DLGAP1: variants seen among roughly 807,000 people sequenced by gnomAD.
DLGAP1 encodes the protein DLG associated protein 1.
A neutral mutation model predicts 90.8 loss-of-function variants in DLGAP1; 11 were observed. The observed-to-expected ratio is 0.12, with a 90% confidence interval of 0.08 to 0.20. DLGAP1 has a LOEUF of 0.20. Among genes scored for constraint, DLGAP1 ranks in the 10% least tolerant of loss-of-function variants. The pLI, the probability that DLGAP1 is intolerant of heterozygous loss-of-function variation, is 1.00. For missense variants in DLGAP1, 1,050 were observed against 1,333.8 expected, an observed-to-expected ratio of 0.79 and a Z score of 3.31; for synonymous variants, 558 against 540.7, an observed-to-expected ratio of 1.03 and a Z score of -0.44.
intron 12 of DLGAP1, 113 bp downstream of exon 12, chr18:3,502,380 T>C (rs2049984634): frequency 6.7e-7 from 1 of 1,502,402 alleles, no homozygotes; most frequent in African/African-American, 1.4e-5. Flanking sequence ...ATTAATATGA[T>C]ATCAGCTCCA....
chr18:3,576,352 A>G (rs1599329260), intron 8 of DLGAP1, among the ~76,000 whole-genome samples: 1 of 138,670 alleles, frequency 7.2e-6, no homozygotes, highest in Admixed American at 7.6e-5. Context: ...CTCCGCCTGC[A>G]GGGTTCAATC....
At chr18:4,293,025 A>C (rs548385597) in intron 1 of DLGAP1, 1 of 152,360 alleles carries the variant, frequency 6.6e-6, no homozygotes, top group East Asian at 1.9e-4. Flanking sequence ...CTGTGATTAC[A>C]ATACGCACAG....
At chr18:4,303,351 G>A (rs1265228739) in intron 1 of DLGAP1, among the ~76,000 whole-genome samples, 1 of 151,626 alleles carries the variant, frequency 6.6e-6, no homozygotes, top group African/African-American at 2.4e-5. Context: ...CATCACAGCT[G>A]CATATAGGCA....
chr18:3,769,017 A>C (rs72861920), intron 5 of DLGAP1, among the ~76,000 whole-genome samples: 35,388 of 152,014 alleles, frequency 0.23, 4,549 homozygotes, highest in East Asian at 0.55. Context: ...AAAATCACAT[A>C]TCTGACAAAG....
chr18:4,397,574 T>C (rs1462965), intron 1 of DLGAP1, among the ~76,000 whole-genome samples: 131,543 of 152,196 alleles, frequency 0.86, 57,081 homozygotes, highest in East Asian at 1. Context: ...CTCAGGTATG[T>C]TCCTTACTCT....
Position 4,058,011 on chromosome 18 carries a change from T to C in DLGAP1, c.-158-52810A>G, listed in dbSNP as rs987631310. Among the ~76,000 whole-genome samples, 5 of 152,212 alleles carry C rather than the reference T, an allele frequency of 3.3e-5. No individual in the cohort carries two copies. In the South Asian group the frequency reaches 1.0e-3, roughly 32 times the overall value. On this transcript the variant is annotated intron_variant, in intron 2 of 12. Coordinates refer to ENST00000315677, the MANE Select transcript of DLGAP1 (RefSeq NM_004746.4). The stretch of plus-strand genomic sequence containing the variant: ...TGTGGAGGAAGGAAGAACCCTGGAG[T>C]CTGCACTAAGTAGACCTGAGGCACT...
chr18:3,566,393 A>G (rs900940536), intron 9 of DLGAP1, among the ~76,000 whole-genome samples: 11 of 151,750 alleles, frequency 7.2e-5, no homozygotes, highest in African/African-American at 2.7e-4. Context: ...CACACACTAT[A>G]TATATATATT....
At chr18:3,988,783 G>A (rs1271555497) in intron 3 of DLGAP1, among the ~76,000 whole-genome samples, 2 of 152,138 alleles carry the variant, frequency 1.3e-5, no homozygotes, top group Non-Finnish European at 2.9e-5. Context: ...TGGGGGCTGG[G>A]GACCCCTAGC....
intron 1 of DLGAP1, among the ~76,000 whole-genome samples, chr18:4,250,442 T>G (rs2078756927): frequency 6.6e-6 from 1 of 152,240 alleles, no homozygotes; most frequent in South Asian, 2.1e-4. Context: ...GAGAAAGTCC[T>G]GATGCCAACA....
intron 7 of DLGAP1, among the ~76,000 whole-genome samples, chr18:3,614,085 C>A (rs2057748730): frequency 1.3e-5 from 2 of 152,096 alleles, no homozygotes; most frequent in Admixed American, 1.3e-4. Context: ...CCACACCCGG[C>A]TAAAGTTTGT....
chr18:4,317,553 A>T (rs1293761864), intron 1 of DLGAP1, among the ~76,000 whole-genome samples: 1 of 152,180 alleles, frequency 6.6e-6, no homozygotes, highest in Non-Finnish European at 1.5e-5. Flanking sequence ...AAGGAAACAT[A>T]TGTTTTCCAG....
chr18:4,100,460 T>C (rs763529313), intron 2 of DLGAP1, among the ~76,000 whole-genome samples: 3 of 152,210 alleles, frequency 2.0e-5, no homozygotes, highest in Non-Finnish European at 4.4e-5. Context: ...GTTCCATTTA[T>C]TGAGCACAGG....
chr18:3,922,522 A>G (rs1175392494), intron 3 of DLGAP1, among the ~76,000 whole-genome samples: 1 of 152,238 alleles, frequency 6.6e-6, no homozygotes. Context: ...GTCATGCACA[A>G]AATAATCTAC....
intron 4 of DLGAP1, among the ~76,000 whole-genome samples, chr18:3,830,421 C>T (rs945548277): frequency 6.6e-6 from 1 of 152,080 alleles, no homozygotes; most frequent in Admixed American, 6.5e-5. Context: ...AAAAATTAGC[C>T]GGGTGTGGTG....
At chr18:4,218,872 C>T (rs1273253596) in intron 1 of DLGAP1, among the ~76,000 whole-genome samples, 1 of 151,436 alleles carries the variant, frequency 6.6e-6, no homozygotes, top group African/African-American at 2.4e-5. Flanking sequence ...TATCCATTAA[C>T]CCACTGATTG....
At chr18:4,073,438 CAG>C (rs930938531) in intron 2 of DLGAP1, among the ~76,000 whole-genome samples, 3 of 152,118 alleles carry the variant, frequency 2.0e-5, no homozygotes, top group African/African-American at 7.2e-5. Flanking sequence ...CACGTTCTTC[CAG>C]AGAGTACATG....
intron 7 of DLGAP1, among the ~76,000 whole-genome samples, chr18:3,582,465 G>A (rs189970348): frequency 6.6e-5 from 10 of 152,160 alleles, no homozygotes; most frequent in African/African-American, 1.2e-4. Flanking sequence ...GAAAAACACC[G>A]GGAAATATCA....
At chr18:3,877,919 ATGT>A in intron 4 of DLGAP1, among the ~76,000 whole-genome samples, 1 of 152,194 alleles carries the variant, frequency 6.6e-6, no homozygotes, top group Admixed American at 6.5e-5. Flanking sequence ...AAAACTGTCC[ATGT>A]GCTGGTGGCT....
At chr18:4,322,513 T>TA (rs2080716418) in intron 1 of DLGAP1, among the ~76,000 whole-genome samples, 1 of 152,160 alleles carries the variant, frequency 6.6e-6, no homozygotes, top group Admixed American at 6.5e-5. Context: ...ATTAAATACT[T>TA]AAACGTAAGA....
Sources: gnomAD v4.1 joint callset for allele counts (sites outside exome capture counted in the v4.1 genomes callset) on GRCh38, gnomAD v4.1.1 for gene constraint, MANE v1.5 for transcripts, NCBI Gene and HGNC (gene_info 2026-07-23, HGNC 2026-07-21) for gene names.